Variants in TUSC7 observed in about 807,000 individuals in gnomAD.
TUSC7 encodes tumor suppressor candidate 7.
intron 1 of TUSC7, among the ~76,000 whole-genome samples, chr3:116,713,123 C>A (rs2051476521): frequency 6.6e-6 from 1 of 152,122 alleles, no homozygotes; most frequent in African/African-American, 2.4e-5. Flanking sequence ...TAATCACTCA[C>A]AATATGGATA....
At chr3:116,716,604 A>G (rs1326059114) in intron 1 of TUSC7, 1 of 152,258 alleles carries the variant, frequency 6.6e-6, no homozygotes, top group Non-Finnish European at 1.5e-5. Flanking sequence ...ACACCTGTCC[A>G]TCAGACAAGG....
intron 1 of TUSC7, among the ~76,000 whole-genome samples, chr3:116,713,724 G>A (rs906732322): frequency 6.6e-6 from 1 of 152,182 alleles, no homozygotes; most frequent in African/African-American, 2.4e-5. Flanking sequence ...CCAGCACTTT[G>A]GGAGGCCGAG....
chr3:116,716,813 GTTC>G (rs2051512281), intron 1 of TUSC7: 2 of 152,264 alleles, frequency 1.3e-5, no homozygotes, highest in African/African-American at 2.4e-5. Context: ...TTCGCCTTAT[GTTC>G]TTCTTGCCGG....
intron 1 of TUSC7, among the ~76,000 whole-genome samples, chr3:116,711,161 T>A (rs2051459227): frequency 6.6e-6 from 1 of 152,200 alleles, no homozygotes; most frequent in Non-Finnish European, 1.5e-5. Context: ...ACCATCAGTG[T>A]AAGTATTGGT....
intron 1 of TUSC7, among the ~76,000 whole-genome samples, chr3:116,712,063 G>T (rs903887085): frequency 6.6e-6 from 1 of 152,126 alleles, no homozygotes; most frequent in Non-Finnish European, 1.5e-5. Flanking sequence ...CAGATTTCCT[G>T]TCTGCTTTCA....
intron 1 of TUSC7, among the ~76,000 whole-genome samples, chr3:116,711,519 C>T (rs1313023297): frequency 6.6e-6 from 1 of 152,110 alleles, no homozygotes; most frequent in Non-Finnish European, 1.5e-5. Flanking sequence ...AAGATACTTG[C>T]AGCTTTCTCA....
At chr3:116,715,322 A>G (rs1478290160) in intron 1 of TUSC7, among the ~76,000 whole-genome samples, 3 of 152,194 alleles carry the variant, frequency 2.0e-5, no homozygotes, top group African/African-American at 7.2e-5. Context: ...TATGCTTATT[A>G]TTCCTTTGGG....
intron 1 of TUSC7, chr3:116,712,601 T>C (rs946835677): frequency 1.3e-5 from 2 of 152,084 alleles, no homozygotes; most frequent in Admixed American, 6.5e-5. Context: ...ACAACTGAGG[T>C]GGCGTATGAA....
intron 1 of TUSC7, chr3:116,712,466 T>C (rs1312596368): frequency 6.6e-6 from 1 of 152,152 alleles, no homozygotes; most frequent in East Asian, 1.9e-4. Context: ...GGCACCTCTC[T>C]ACCAGAAAGA....
At chr3:116,711,102 G>T (rs75078649) in intron 1 of TUSC7, among the ~76,000 whole-genome samples, 1 of 152,126 alleles carries the variant, frequency 6.6e-6, no homozygotes, top group Non-Finnish European at 1.5e-5. Context: ...GGGAAGATAT[G>T]AATTTATAAT....
intron 1 of TUSC7, among the ~76,000 whole-genome samples, chr3:116,713,422 C>A (rs1189202406): frequency 6.6e-6 from 1 of 152,158 alleles, no homozygotes; most frequent in Non-Finnish European, 1.5e-5. Flanking sequence ...AGGATATTTA[C>A]CATATAACCT....
chr3:116,713,827 A>G (rs928119201), intron 1 of TUSC7, among the ~76,000 whole-genome samples: 6 of 152,246 alleles, frequency 3.9e-5, no homozygotes, highest in Admixed American at 3.3e-4. Context: ...TGAGCCGGGC[A>G]TGGTGGTGCA....
intron 1 of TUSC7, chr3:116,712,857 G>A (rs2051473842): frequency 6.6e-6 from 1 of 152,064 alleles, no homozygotes; most frequent in African/African-American, 2.4e-5. Context: ...CTGAGAAAAT[G>A]GTAAGTGAGA....
intron 1 of TUSC7, chr3:116,712,905 T>C (rs2051474367): frequency 6.6e-6 from 1 of 152,152 alleles, no homozygotes; most frequent in African/African-American, 2.4e-5. Context: ...ACATATAATA[T>C]TTGAGCTGTC....
intron 1 of TUSC7, chr3:116,712,840 A>C (rs745611359): frequency 2.0e-5 from 3 of 152,130 alleles, no homozygotes; most frequent in African/African-American, 2.4e-5. Flanking sequence ...ATCAGTGTTG[A>C]CCTGCACTGA....
At chr3:116,710,135 T>G (rs1213895973) in intron 1 of TUSC7, 2 of 152,174 alleles carry the variant, frequency 1.3e-5, no homozygotes, top group Admixed American at 1.3e-4. Context: ...AATTTTAAAA[T>G]AGTTTCCCAA....
exon 1 of TUSC7, chr3:116,709,861 A>T (rs1205040445): frequency 6.6e-6 from 1 of 152,092 alleles, no homozygotes; most frequent in Non-Finnish European, 1.5e-5. Flanking sequence ...AGACATGGAG[A>T]TATATCTTGC....
intron 1 of TUSC7, chr3:116,710,422 G>C (rs2051453761): frequency 6.6e-6 from 1 of 152,106 alleles, no homozygotes; most frequent in Non-Finnish European, 1.5e-5. Context: ...AGAGGAGCAG[G>C]TATAAACCCT....
intron 1 of TUSC7, chr3:116,716,638 T>C (rs964981471): frequency 1.3e-5 from 2 of 152,140 alleles, no homozygotes. Flanking sequence ...AAGAAAACAC[T>C]GCCTATGTGC....
Sources: gnomAD v4.1 joint callset for allele counts (sites outside exome capture counted in the v4.1 genomes callset) on GRCh38, gnomAD v4.1.1 for gene constraint, MANE v1.5 for transcripts, NCBI Gene and HGNC (gene_info 2026-07-23, HGNC 2026-07-21) for gene names.